DPP8: variants seen among roughly 807,000 people sequenced by gnomAD.
DPP8 encodes the protein dipeptidyl peptidase 8.
DPP8 carries 31 observed loss-of-function variants against 107.5 expected under a neutral mutation model. That is an observed-to-expected ratio of 0.29 (90% CI 0.22 to 0.39). The LOEUF is 0.39. DPP8 is among the 10% of genes least tolerant of loss of function. DPP8 has a pLI of 1.00. For missense variants in DPP8, 842 were observed against 1,076.1 expected (o/e 0.78, Z 3.04); for synonymous variants, 381 against 356.6 (o/e 1.07, Z -0.77).
chr15:65,504,105 G>A (rs139283067), intron 3 of DPP8, among the ~76,000 whole-genome samples: 7,289 of 151,584 alleles, frequency 0.048, 595 homozygotes, highest in African/African-American at 0.17. Flanking sequence ...GCTCACGCCT[G>A]TAATCCCAGC....
chr15:65,472,180 C>T (rs988475199), intron 12 of DPP8, among the ~76,000 whole-genome samples: 2 of 152,044 alleles, frequency 1.3e-5, no homozygotes, highest in African/African-American at 4.8e-5. Context: ...GTATAAATGC[C>T]CATCACTCTT....
chr15:65,485,042 T>G, intron 8 of DPP8, 57 bp downstream of exon 8: 6 of 1,354,260 alleles, frequency 4.4e-6, no homozygotes, highest in Non-Finnish European at 6.3e-6. Flanking sequence ...AGAACCCTAC[T>G]GGGCTGAATA....
At chr15:65,504,152 C>T (rs183281568) in intron 3 of DPP8, among the ~76,000 whole-genome samples, 1,736 of 149,054 alleles carry the variant, frequency 0.012, 23 homozygotes, top group South Asian at 0.048. Flanking sequence ...CACCTGAGGT[C>T]GGAAGTTCAA....
intron 3 of DPP8, among the ~76,000 whole-genome samples, chr15:65,505,873 C>T (rs1349860236): frequency 6.8e-6 from 1 of 147,610 alleles, no homozygotes; most frequent in Admixed American, 6.9e-5. Flanking sequence ...TCGCTTGAAT[C>T]TGGGAGGCAG....
intron 4 of DPP8, among the ~76,000 whole-genome samples, chr15:65,500,372 G>A (rs1003226040): frequency 2.6e-5 from 4 of 151,630 alleles, no homozygotes; most frequent in Admixed American, 1.3e-4. Flanking sequence ...GAGCCAAGAC[G>A]GCACCATTGC....
chr15:65,471,940 T>C (rs2065932343), intron 12 of DPP8, among the ~76,000 whole-genome samples: 1 of 152,182 alleles, frequency 6.6e-6, no homozygotes, highest in Non-Finnish European at 1.5e-5. Context: ...GAAACCACAT[T>C]TAGTTAGGCC....
In DPP8 at chr15:65,451,127, A is replaced by G; in HGVS notation, c.2415-17T>C. 6.8e-7 allele frequency: 1 copy of G among 1,480,748 alleles called. No homozygotes were observed. The allele number at this position is 1,480,748 out of a possible 1,614,324, so 91.7% of individuals were successfully genotyped here. A position where few individuals can be genotyped will look rare whatever the true frequency, so the allele number is the denominator to read the frequency against. On this transcript the variant is annotated splice_polypyrimidine_tract_variant and intron_variant, in intron 18 of 19. Coordinates refer to ENST00000300141, the MANE Select transcript of DPP8 (RefSeq NM_130434.5). ...CGATTTGGTCTGGAGAAATGGAAATATTAGAGGATTAGGCAAAATAGTAGA... is the reference window on the plus strand; with the variant it reads ...CGATTTGGTCTGGAGAAATGGAAATGTTAGAGGATTAGGCAAAATAGTAGA...
At chr15:65,490,431 A>G in intron 5 of DPP8, 132 bp from the exon 6 acceptor site, 1 of 669,820 alleles carries the variant, frequency 1.5e-6, no homozygotes, top group East Asian at 2.7e-5. Flanking sequence ...GACTGAGTTC[A>G]AATCTGGGGT....
intron 8 of DPP8, among the ~76,000 whole-genome samples, chr15:65,483,685 T>TA (rs889705678): frequency 2.6e-5 from 4 of 151,788 alleles, no homozygotes; most frequent in African/African-American, 9.7e-5. Flanking sequence ...CACAAAAGGT[T>TA]AAAAAAATAG....
At chr15:65,500,870 A>AAT in intron 3 of DPP8, 91 bp from the exon 4 acceptor site, 1 of 591,252 alleles carries the variant, frequency 1.7e-6, no homozygotes, top group Non-Finnish European at 2.6e-6. Context: ...AACATTATTG[A>AAT]CTCTTTTTTT....
intron 10 of DPP8, among the ~76,000 whole-genome samples, chr15:65,479,287 A>G (rs2140716293): frequency 6.6e-6 from 1 of 152,264 alleles, no homozygotes; most frequent in Admixed American, 6.5e-5. Flanking sequence ...TATGACCAAA[A>G]GTTTTTTCTT....
intron 5 of DPP8, among the ~76,000 whole-genome samples, chr15:65,493,346 T>C (rs1241148213): frequency 6.6e-6 from 1 of 152,158 alleles, no homozygotes; most frequent in Non-Finnish European, 1.5e-5. Flanking sequence ...CCTCCCAAAG[T>C]GCTGGGATTA....
intron 2 of DPP8, among the ~76,000 whole-genome samples, chr15:65,508,464 G>C (rs925803946): frequency 6.6e-6 from 1 of 152,028 alleles, no homozygotes; most frequent in East Asian, 1.9e-4. Flanking sequence ...GCAGTGTAGA[G>C]TGAGTTACAT....
chr15:65,500,873 CTTTTTTTTTT>C (rs781459910), intron 3 of DPP8, 94 bp from the exon 4 acceptor site: 29 of 329,198 alleles, frequency 8.8e-5, no homozygotes, highest in South Asian at 5.6e-4. Flanking sequence ...ATTATTGACT[CTTTTTTTTTT>C]TTTTTTTTTT....
chr15:65,473,216 T>C (rs986815997), intron 12 of DPP8, among the ~76,000 whole-genome samples: 15 of 150,850 alleles, frequency 9.9e-5, no homozygotes, highest in Admixed American at 9.9e-4. Context: ...TCCCAGCTAC[T>C]CGGGAGGCTG....
chr15:65,461,225 A>G (rs1595885835), intron 15 of DPP8, among the ~76,000 whole-genome samples: 1 of 152,036 alleles, frequency 6.6e-6, no homozygotes, highest in African/African-American at 2.4e-5. Context: ...ACTCACTGCA[A>G]CCTCGAACTC....
chr15:65,476,788 A>C (rs2066426507), intron 11 of DPP8, among the ~76,000 whole-genome samples: 1 of 152,218 alleles, frequency 6.6e-6, no homozygotes, highest in African/African-American at 2.4e-5. Flanking sequence ...GGTGGAACCA[A>C]TCCCAGTGCC....
rs1008286794 is a variant in DPP8, at chr15:65,517,648, G to A, written c.-174C>T. 4 of 152,538 alleles carry A rather than the reference G, an allele frequency of 2.6e-5. No homozygotes were observed. The highest frequency in any genetic ancestry group is 4.4e-5 in the Non-Finnish European group (3 of 68,274). The allele number at this position is 152,538 out of a possible 1,614,324, so 9.4% of individuals were successfully genotyped here. A position where few individuals can be genotyped will look rare whatever the true frequency, so the allele number is the denominator to read the frequency against. On this transcript the variant is annotated 5_prime_UTR_variant, in exon 1 of 20. Coordinates refer to ENST00000300141, the MANE Select transcript of DPP8 (RefSeq NM_130434.5). ...GAACGCGGCACTAAGAAGCAGCGGCGGCAGTAGCAGCGGCCTTGGCCTCGG... is the reference window on the plus strand; with the variant it reads ...GAACGCGGCACTAAGAAGCAGCGGCAGCAGTAGCAGCGGCCTTGGCCTCGG...
At chr15:65,516,610 C>G (rs2071471257) in intron 1 of DPP8, 1 of 152,168 alleles carries the variant, frequency 6.6e-6, no homozygotes, top group South Asian at 2.1e-4. Context: ...GTCAAGACAC[C>G]TCATAGCACT....
Sources: gnomAD v4.1 joint callset for allele counts (sites outside exome capture counted in the v4.1 genomes callset) on GRCh38, gnomAD v4.1.1 for gene constraint, MANE v1.5 for transcripts, NCBI Gene and HGNC (gene_info 2026-07-23, HGNC 2026-07-21) for gene names.